SERPINA12: variants seen among roughly 807,000 people sequenced by gnomAD.
SERPINA12 encodes the protein serpin family A member 12.
A neutral mutation model predicts 25.9 loss-of-function variants in SERPINA12; 21 were observed. The ratio of observed to expected loss-of-function variants is 0.81; its 90% confidence interval spans 0.58 to 1.17. The LOEUF is 1.17. Among genes scored for constraint, SERPINA12 ranks in the 50% most tolerant of loss-of-function variants. The pLI is 0.00. For synonymous variants in SERPINA12, 220 were observed against 196.0 expected, an observed-to-expected ratio of 1.12 and a Z score of -1.02; for missense variants, 562 against 508.3, an observed-to-expected ratio of 1.11 and a Z score of -1.02.
chr14:94,513,147 C>T (rs185172881), upstream of SERPINA12, among the ~76,000 whole-genome samples: 69 of 152,288 alleles, frequency 4.5e-4, no homozygotes, highest in Middle Eastern at 3.4e-3. Flanking sequence ...CCAGGATAAG[C>T]GAAAGCAGGC....
rs527658881 is a variant in SERPINA12 at position 94,506,156 on chromosome 14, A to G, written c.-34+3186T>C. On this transcript the variant is annotated intron_variant, in intron 1 of 4. Transcript: ENST00000677451. ...TGTCCAGCCTGGGAAGATTATTGTT[A>G]TAAGTTAATGGGCCTAAGGCACTGG... Among the ~76,000 whole-genome samples the G allele has an allele frequency of 4.6e-5, 7 of 152,314 alleles. No individual in the cohort carries two copies. In the East Asian group the frequency reaches 1.2e-3, roughly 25 times the overall value.
At chr14:94,489,871 G>T in intron 3 of SERPINA12, 104 bp from the exon 4 acceptor site, 2 of 1,180,140 alleles carry the variant, frequency 1.7e-6, no homozygotes, top group South Asian at 1.5e-5. Context: ...CAGCCCCAAA[G>T]GTCTCCAATC....
intron 1 of SERPINA12, 45 bp from the exon 2 acceptor site, chr14:94,498,475 A>G (rs983736334): frequency 4.1e-6 from 6 of 1,465,918 alleles, no homozygotes; most frequent in African/African-American, 2.8e-5. Context: ...CATTGCCTAC[A>G]TGTTACCCAG....
rs748692199 is a variant in SERPINA12 at position 94,498,226 on chromosome 14, T to G, written c.172A>C (p.Lys58Gln). The change falls in exon 2 of 5, where the codon AAG (lysine) becomes CAG (glutamine). Residue 58 changes from lysine to glutamine, a missense_variant. Lys to Gln is a moderately conservative substitution (Grantham distance 53). Transcript: ENST00000677451. ...LARQNMDLGFKLLKKLAFYNP... is the reference protein window; with the variant it reads ...LARQNMDLGFQLLKKLAFYNP... ...TAAAAGGCCAGCTTCTTGAGCAGCTTAAAGCCTAAGTCCATGTTCTGCCTT... is the reference window on the plus strand; with the variant it reads ...TAAAAGGCCAGCTTCTTGAGCAGCTGAAAGCCTAAGTCCATGTTCTGCCTT... 14 of 1,614,086 alleles carry G rather than the reference T, an allele frequency of 8.7e-6. No individual in the cohort carries two copies. The highest frequency in any genetic ancestry group is 4.0e-5 in the African/African-American group (3 of 74,914).
At chr14:94,487,533 C>A (rs1194231726) in intron 4 of SERPINA12, 39 bp from the exon 5 acceptor site, 1 of 1,548,588 alleles carries the variant, frequency 6.5e-7, no homozygotes, top group Non-Finnish European at 8.7e-7. Context: ...CTGCCAAGCT[C>A]CTTGGCGACC....
intron 1 of SERPINA12, among the ~76,000 whole-genome samples, chr14:94,505,806 G>A (rs1900910301): frequency 6.6e-6 from 1 of 152,332 alleles, no homozygotes. Context: ...GAGCGACACG[G>A]GCAGCACTGG....
intron 1 of SERPINA12, among the ~76,000 whole-genome samples, chr14:94,502,623 AG>A (rs1442078718): frequency 6.6e-6 from 1 of 152,210 alleles, no homozygotes; most frequent in African/African-American, 2.4e-5. Context: ...CCCTGCCCCC[AG>A]GCAGGTCACT....
upstream of SERPINA12, among the ~76,000 whole-genome samples, chr14:94,513,300 T>C (rs1207278282): frequency 1.3e-5 from 2 of 152,274 alleles, no homozygotes; most frequent in East Asian, 3.9e-4. Context: ...TGAAGGACAA[T>C]TACTTTCAGA....
Position 94,489,737 on chromosome 14 carries a change from G to A in SERPINA12, c.936C>T (p.His312=). The change falls in exon 4 of 5, where the codon CAC becomes CAT. Residue 312 remains histidine (H), a synonymous_variant. Transcript: ENST00000677451. Reference sequence around the variant, plus strand: ...TCTTCAGGTCGAAGGTGCCCGTCATGTGGAGTCTGGGTACAGACACGTCTA... The same window carrying A: ...TCTTCAGGTCGAAGGTGCCCGTCATATGGAGTCTGGGTACAGACACGTCTA... The part of the protein sequence containing the change: ...RVVDVSVPRL[H]MTGTFDLKKT... The A allele has an allele frequency of 1.2e-6, 2 of 1,614,200 alleles. No individual in the cohort carries two copies. The highest frequency in any genetic ancestry group is 1.7e-6 in the Non-Finnish European group (2 of 1,180,022).
chr14:94,512,285 C>G (rs1285209165), upstream of SERPINA12, among the ~76,000 whole-genome samples: 1 of 152,204 alleles, frequency 6.6e-6, no homozygotes, highest in Non-Finnish European at 1.5e-5. Context: ...GGTCCTACAG[C>G]CACAGCAAGC....
chr14:94,489,756 A>C lies in SERPINA12; in HGVS notation c.917T>G (p.Val306Gly). ...CGTCATGTGGAGTCTGGGTACAGACACGTCTACGACCCTGGGGAATTGACA... is the reference window on the plus strand; with the variant it reads ...CGTCATGTGGAGTCTGGGTACAGACCCGTCTACGACCCTGGGGAATTGACA... ...KTLLSRRVVD[V>G]SVPRLHMTGT... Residue 306 changes from valine (V) to glycine (G), a missense_variant, in exon 4 of 5, where the codon GTG becomes GGG. By Grantham distance (109) the Val-to-Gly change is moderately radical (BLOSUM62 -3). Transcript: ENST00000677451. The C allele has an allele frequency of 1.9e-6, 3 of 1,614,016 alleles. No individual in the cohort carries two copies. The highest frequency in any genetic ancestry group is 2.5e-6 in the Non-Finnish European group (3 of 1,179,924).
chr14:94,496,962 T>C (rs756957253), intron 2 of SERPINA12, among the ~76,000 whole-genome samples: 10 of 152,234 alleles, frequency 6.6e-5, no homozygotes, highest in Non-Finnish European at 1.3e-4. Flanking sequence ...TTACAATTAA[T>C]GAGGGCTAAT....
intron 1 of SERPINA12, chr14:94,500,800 C>T (rs1470411811): frequency 1.0e-4 from 98 of 961,340 alleles, no homozygotes; most frequent in Non-Finnish European, 1.2e-4. Context: ...GCCCACCTTG[C>T]CTCTGGACCC....
chr14:94,504,898 G>C (rs1424057951), intron 1 of SERPINA12, among the ~76,000 whole-genome samples: 2 of 152,022 alleles, frequency 1.3e-5, no homozygotes, highest in Non-Finnish European at 2.9e-5. Context: ...TTTTTCAAAG[G>C]CTTAAAATAA....
Position 94,487,468 on chromosome 14 carries a change from C to T in SERPINA12, c.1080G>A (p.Met360Ile). ...GEAVHKAELK[M>I]DERGTEGAAG... is the part of the protein sequence containing the mutation. ...CGGCCCCTTCCGTACCCCTCTCATC[C>T]ATCTTCAGCTCAGCCTTGTGCACAG... Residue 360 changes from methionine (M) to isoleucine (I), a missense_variant, in exon 5 of 5, where the codon ATG becomes ATA. By Grantham distance (10) the Met-to-Ile change is conservative (BLOSUM62 1). Coordinates refer to ENST00000677451, the MANE Select transcript of SERPINA12 (RefSeq NM_001382267.1). 2 of 1,613,596 alleles carry T rather than the reference C, an allele frequency of 1.2e-6. No homozygotes were observed. The highest frequency in any genetic ancestry group is 1.7e-6 in the Non-Finnish European group (2 of 1,179,772).
chr14:94,512,017 G>A (rs575523764), upstream of SERPINA12, among the ~76,000 whole-genome samples: 8 of 152,310 alleles, frequency 5.3e-5, no homozygotes, highest in Admixed American at 1.3e-4. Flanking sequence ...AGAATTGCTT[G>A]AGCCCAGGAG....
intron 3 of SERPINA12, among the ~76,000 whole-genome samples, chr14:94,490,724 T>A (rs1900142692): frequency 6.6e-6 from 1 of 152,136 alleles, no homozygotes; most frequent in South Asian, 2.1e-4. Flanking sequence ...TCCAGTCGGC[T>A]CTTTGACCTC....
At chr14:94,489,563 C>T (rs898997828) in intron 4 of SERPINA12, 57 bp downstream of exon 4, 54 of 1,580,410 alleles carry the variant, frequency 3.4e-5, no homozygotes, top group Admixed American at 8.7e-5. Context: ...GCTCTGGCCC[C>T]GGCTGGGGGA....
chr14:94,511,408 A>T, upstream of SERPINA12: 1 of 985,196 alleles, frequency 1.0e-6, no homozygotes, highest in Non-Finnish European at 1.2e-6. Flanking sequence ...AGAATTTCTT[A>T]ATATAAAAGC....
Sources: allele counts gnomAD v4.1 joint callset (sites outside exome capture counted in the v4.1 genomes callset), GRCh38; gene constraint gnomAD v4.1.1; transcripts MANE v1.5; gene names NCBI Gene and HGNC (gene_info 2026-07-23, HGNC 2026-07-21).